NIN: variants seen among roughly 807,000 people sequenced by gnomAD.
NIN encodes ninein.
NIN carries 137 observed loss-of-function variants against 257.6 expected under a neutral mutation model. The observed-to-expected ratio is 0.53, with a 90% CI of 0.46 to 0.61. The LOEUF is 0.61. Among genes scored for constraint, NIN ranks in the 20% least tolerant of loss-of-function variants. The pLI is 0.00. For synonymous variants in NIN, 918 were observed against 919.8 expected (o/e 1.00, Z 0.04); for missense variants, 2,439 against 2,501.2 (o/e 0.98, Z 0.53).
Position 50,773,162 on chromosome 14 carries a change from G to A in NIN, c.667-67C>T, listed in dbSNP as rs562819433. 670 of 1,291,278 alleles carry A rather than the reference G, an allele frequency of 5.2e-4. 8 individuals carry two copies. The South Asian group carries it at 8.0e-3, about 15-fold the overall frequency. The allele number at this position is 1,291,278 out of a possible 1,614,324, so 80.0% of individuals were successfully genotyped here. A position where few individuals can be genotyped will look rare whatever the true frequency, so the allele number is the denominator to read the frequency against. On this transcript the variant is annotated intron_variant, in intron 7 of 30. Coordinates refer to ENST00000530997, the MANE Select transcript of NIN (RefSeq NM_020921.4). ...TATACAAGGCCCAAAGTATACTTCC[G>A]GCCAGTAGTAATCAGTACCATGGTT... is the stretch of plus-strand genomic sequence containing the variant.
rs1275675189 is a variant in NIN at position 50,757,012 on chromosome 14, C to A, written c.4018G>T (p.Val1340Phe). ...CATAAGCAGCAGTCACACCGCTGGA[C>A]CACGCTTTCCTGAAGCTTCTCAATC... The part of the protein sequence containing the change: ...GKIEKLQESV[V>F]QRCDCCLWEA... The change falls in exon 18 of 31, where the codon GTC (valine) becomes TTC (phenylalanine). Residue 1340 changes from valine to phenylalanine, a missense_variant. Val to Phe is a conservative substitution (Grantham distance 50, BLOSUM62 -1). Transcript: ENST00000530997. The A allele has an allele frequency of 1.2e-6, 2 of 1,612,922 alleles. No homozygotes were observed. The highest frequency in any genetic ancestry group is 1.1e-5 in the South Asian group (1 of 90,858).
chr14:50,755,270 G>C (rs1283020009), intron 18 of NIN, among the ~76,000 whole-genome samples: 1 of 152,096 alleles, frequency 6.6e-6, no homozygotes, highest in Admixed American at 6.5e-5. Context: ...TTAGGCCCCT[G>C]GGTACCTAGG....
At chr14:50,758,734 A>G in intron 17 of NIN, 104 bp from the exon 18 acceptor site, 1 of 1,020,904 alleles carries the variant, frequency 9.8e-7, no homozygotes, top group Non-Finnish European at 1.4e-6. Flanking sequence ...CAAACAACTG[A>G]AATACTCCCT....
chr14:50,801,112 A>T (rs1484130962), intron 4 of NIN, among the ~76,000 whole-genome samples: 1 of 120,686 alleles, frequency 8.3e-6, no homozygotes, highest in Non-Finnish European at 1.7e-5. Flanking sequence ...TTTTTTTGAG[A>T]CAGAGTCTCG....
chr14:50,810,831 T>C (rs2044563155), intron 3 of NIN, among the ~76,000 whole-genome samples: 1 of 151,584 alleles, frequency 6.6e-6, no homozygotes, highest in Non-Finnish European at 1.5e-5. Flanking sequence ...TGGCTAATTT[T>C]TTTTGTATTT....
chr14:50,763,656 A>G (rs1343621905), intron 15 of NIN, among the ~76,000 whole-genome samples, 170 bp downstream of exon 15: 1 of 152,222 alleles, frequency 6.6e-6, no homozygotes, highest in African/African-American at 2.4e-5. Flanking sequence ...AACTTCAAGG[A>G]CAAATGAAAA....
chr14:50,738,323 ACAAT>A, intron 26 of NIN, 37 bp from the exon 27 acceptor site: 1 of 1,591,368 alleles, frequency 6.3e-7, no homozygotes, highest in East Asian at 2.2e-5. Flanking sequence ...AAATGCTAAT[ACAAT>A]CACCCAGCCA....
In NIN at chr14:50,773,086, C is replaced by G; in HGVS notation, c.676G>C (p.Glu226Gln). The change falls in exon 8 of 31, where the codon GAA becomes CAA. Residue 226 changes from glutamate to glutamine, a missense_variant. This residue lies in a region of NIN where 387 missense variants were observed against 427.3 expected (regional missense o/e 0.91). Coordinates refer to ENST00000530997, the MANE Select transcript of NIN (RefSeq NM_020921.4). ...LQNVDGEMLE[E>Q]VFHNLDPDGT... is the part of the protein sequence containing the mutation. ...TCAGGATCAAGATTATGGAATACTT[C>G]CTCGAGCATCTAGAAAAGAGTCATC... 9 of 1,610,510 alleles carry G rather than the reference C, an allele frequency of 5.6e-6. No individual in the cohort carries two copies. Among genetic ancestry groups the G allele is most frequent in the Non-Finnish European group, 6.8e-6 (8 of 1,178,370 alleles).
At chr14:50,810,222 C>G (rs2044526004) in intron 3 of NIN, among the ~76,000 whole-genome samples, 1 of 143,672 alleles carries the variant, frequency 7.0e-6, no homozygotes, top group Admixed American at 7.0e-5. Context: ...CAGAGTGAGA[C>G]TCCGTCTCAA....
chr14:50,795,448 A>ATC lies in NIN; in HGVS notation c.266-2569_266-2568dup, dbSNP rs2043796477. Among the ~76,000 whole-genome samples, 3 of 152,212 alleles carry ATC rather than the reference A, an allele frequency of 2.0e-5. No homozygotes were observed. The South Asian group carries it at 6.2e-4, about 32-fold the overall frequency. ...GAAAACACTATGATTCTCCTCATCA[A>ATC]TCTCAATCAGAGATTTAGAACTGAA... On this transcript the variant is annotated intron_variant, in intron 4 of 30. Coordinates refer to ENST00000530997, the MANE Select transcript of NIN (RefSeq NM_020921.4).
At position 50,771,812 on chromosome 14, in the gene NIN, C is replaced by G. The variant is rs137983557; in HGVS notation, c.982-344G>C. Among the ~76,000 whole-genome samples the G allele has an allele frequency of 5.3e-3, 802 of 152,072 alleles. 4 individuals carry two copies. Among genetic ancestry groups the G allele is most frequent in the African/African-American group, 0.018 (756 of 41,460 alleles). ...ACCATCCTGGCCAACACGGTGAAAC[C>G]CTGTCTCTACTAAAAATACAAAAAT... On this transcript the variant is annotated intron_variant, in intron 9 of 30. Transcript: ENST00000530997.
Position 50,766,872 on chromosome 14 carries a change from T to G in NIN, c.1453A>C (p.Asn485His). ...LSLKENSRLE[N>H]ELLENAEKLA... ...TTCTCTGCATTTTCTAGAAGCTCATTTTCCAGACGACTGTTTTCCTGAACA... is the reference window on the plus strand; with the variant it reads ...TTCTCTGCATTTTCTAGAAGCTCATGTTCCAGACGACTGTTTTCCTGAACA... The change falls in exon 13 of 31, where the codon AAT (asparagine) becomes CAT (histidine). Residue 485 changes from asparagine to histidine, a missense_variant. This residue lies in a region of NIN where 2,043 missense variants were observed against 2,050.2 expected (regional missense o/e 1.00). Transcript: ENST00000530997. 6.2e-7 allele frequency: 1 copy of G among 1,613,424 alleles called. No individual in the cohort carries two copies.
intron 18 of NIN, among the ~76,000 whole-genome samples, chr14:50,756,279 T>C (rs1006977011): frequency 2.6e-5 from 4 of 152,192 alleles, no homozygotes; most frequent in African/African-American, 9.7e-5. Flanking sequence ...TCACACCCCA[T>C]ATGAACACTT....
chr14:50,775,413 C>G (rs986947198), intron 7 of NIN, among the ~76,000 whole-genome samples: 1 of 152,178 alleles, frequency 6.6e-6, no homozygotes, highest in Non-Finnish European at 1.5e-5. Flanking sequence ...CACGATTTCA[C>G]TCTCTCTACC....
chr14:50,750,427 G>C (rs2041738297), intron 21 of NIN, among the ~76,000 whole-genome samples: 1 of 152,164 alleles, frequency 6.6e-6, no homozygotes, highest in African/African-American at 2.4e-5. Context: ...TTCTCCAACA[G>C]TGAGAAATCT....
chr14:50,740,336 G>A (rs1182488218), intron 25 of NIN, among the ~76,000 whole-genome samples: 1 of 146,268 alleles, frequency 6.8e-6, no homozygotes, highest in Non-Finnish European at 1.5e-5. Context: ...ATGGGCGCAT[G>A]TACTACCACA....
In NIN at chr14:50,757,118, G is replaced by A. The variant is rs556223546; in HGVS notation, c.3912C>T (p.Phe1304=). ...LKKMEEVTET[F]LSLEKSYDEV... ...CATCGTAACTCTTTTCCAGGCTGAG[G>A]AATGTTTCAGTGACTTCCTCCATTT... Residue 1304 remains phenylalanine (F), a synonymous_variant, in exon 18 of 31, where the codon TTC becomes TTT. Coordinates refer to ENST00000530997, the MANE Select transcript of NIN (RefSeq NM_020921.4). 38 of 1,612,756 alleles carry A rather than the reference G, an allele frequency of 2.4e-5. No individual in the cohort carries two copies. The South Asian group carries it at 3.7e-4, about 16-fold the overall frequency.
chr14:50,792,700 C>T lies in NIN; in HGVS notation c.435+12G>A. On this transcript the variant is annotated intron_variant, in intron 5 of 30. Transcript: ENST00000530997. ...TCATGATCCAGATGAACGTGCATGC[C>T]CGATTCCTTACCTCACTGCAGTCAC... 1.9e-6 allele frequency: 3 copies of T among 1,614,058 alleles called. No individual in the cohort carries two copies. Among genetic ancestry groups the T allele is most frequent in the South Asian group, 1.1e-5 (1 of 91,064 alleles).
At chr14:50,732,491 C>T (rs981541533) in intron 28 of NIN, among the ~76,000 whole-genome samples, 4 of 152,124 alleles carry the variant, frequency 2.6e-5, no homozygotes, top group South Asian at 2.1e-4. Flanking sequence ...TAGCTACAGC[C>T]GAGTGATGAA....
Sources: gnomAD v4.1 joint callset for allele counts (sites outside exome capture counted in the v4.1 genomes callset) on GRCh38, gnomAD v4.1.1 for gene constraint, gnomAD v4.1.1 regional missense constraint, MANE v1.5 for transcripts, NCBI Gene and HGNC (gene_info 2026-07-23, HGNC 2026-07-21) for gene names.